Variants in MAGI1 observed in about 807,000 individuals in gnomAD.
MAGI1 encodes membrane associated guanylate kinase, WW and PDZ domain containing 1.
In MAGI1, 58 loss-of-function variants were observed where a neutral mutation model predicts 139.9. The ratio of observed to expected loss-of-function variants is 0.41; its 90% CI spans 0.34 to 0.52. The LOEUF (loss-of-function observed/expected upper bound fraction) is 0.52. Ranked by LOEUF, MAGI1 falls within the 20% of genes least tolerant of loss-of-function variation. The probability of loss-of-function intolerance (pLI) is 0.12; values close to 1 mark genes in which losing one functional copy is unlikely to be tolerated. For missense variants in MAGI1, 1,874 were observed against 1,901.6 expected, an observed-to-expected ratio of 0.99 and a Z score of 0.27; for synonymous variants, 812 against 737.9, an observed-to-expected ratio of 1.10 and a Z score of -1.63.
chr3:65,597,274 A>T (rs887321807), intron 2 of MAGI1, among the ~76,000 whole-genome samples: 1 of 20,636 alleles, frequency 4.8e-5, no homozygotes, highest in Admixed American at 3.4e-4. Context: ...TCCCACCCCC[A>T]GTCCCCATTC....
chr3:65,806,735 G>A (rs959620300), intron 1 of MAGI1, among the ~76,000 whole-genome samples: 3 of 152,124 alleles, frequency 2.0e-5, no homozygotes, highest in Admixed American at 6.5e-5. Flanking sequence ...GATGTCATCT[G>A]AAAATTAGTT....
intron 12 of MAGI1, among the ~76,000 whole-genome samples, chr3:65,425,135 A>AAAAAAAAAAAAAAAAAAAC (rs1559543283): frequency 2.3e-5 from 2 of 87,730 alleles, no homozygotes; most frequent in African/African-American, 4.2e-5. Flanking sequence ...AAAAAAAACA[A>AAAAAAAAAAAAAAAAAAAC]AAAAAAACAC....
chr3:65,465,284 T>C (rs972800320), intron 5 of MAGI1, among the ~76,000 whole-genome samples: 1 of 151,284 alleles, frequency 6.6e-6, no homozygotes, highest in Non-Finnish European at 1.5e-5. Context: ...GTATTTTATT[T>C]ATCTATAGTT....
At chr3:66,016,477 G>T (rs548504902) in intron 1 of MAGI1, among the ~76,000 whole-genome samples, 1 of 152,160 alleles carries the variant, frequency 6.6e-6, no homozygotes, top group African/African-American at 2.4e-5. Context: ...TGGCGGGACC[G>T]AAGAACAGCT....
chr3:65,869,364 TTTTTTGTTGTTGTTGTTGTTG>T (rs1196083321), intron 1 of MAGI1, among the ~76,000 whole-genome samples: 14 of 115,782 alleles, frequency 1.2e-4, no homozygotes, highest in East Asian at 2.1e-4. Flanking sequence ...GCAAGACTGG[TTTTTTGTTGTTGTTGTTGTTG>T]TTGTTGTTGT....
At chr3:65,536,751 G>C (rs2078974990) in intron 2 of MAGI1, among the ~76,000 whole-genome samples, 1 of 152,104 alleles carries the variant, frequency 6.6e-6, no homozygotes, top group East Asian at 1.9e-4. Context: ...TTGAGAAAAA[G>C]GAGAAAAAGA....
chr3:65,784,653 C>T (rs1017624952), intron 1 of MAGI1, among the ~76,000 whole-genome samples: 13 of 151,738 alleles, frequency 8.6e-5, no homozygotes, highest in African/African-American at 2.4e-4. Context: ...TGCAGTGAGC[C>T]GAGATCGCGC....
intron 1 of MAGI1, among the ~76,000 whole-genome samples, chr3:65,960,884 AT>A (rs1273454655): frequency 1.3e-5 from 2 of 152,124 alleles, no homozygotes; most frequent in Non-Finnish European, 2.9e-5. Flanking sequence ...AGTTAAATAG[AT>A]TCCTTCCTTG....
chr3:65,402,887 C>T (rs1194201467), intron 12 of MAGI1, among the ~76,000 whole-genome samples: 1 of 152,120 alleles, frequency 6.6e-6, no homozygotes, highest in African/African-American at 2.4e-5. Flanking sequence ...GCTCCCAGAC[C>T]TCAGAGGGCA....
rs999653554 is a variant in MAGI1, at chr3:65,823,650, T to C, written c.314-201562A>G. Among the ~76,000 whole-genome samples, 3 of 152,252 alleles carry C rather than the reference T, an allele frequency of 2.0e-5. No individual in the cohort carries two copies. In the East Asian group the frequency reaches 5.8e-4, roughly 29 times the overall value. On this transcript the variant is annotated intron_variant, in intron 1 of 22. Coordinates refer to ENST00000402939, the MANE Select transcript of MAGI1 (RefSeq NM_001033057.2). ...CTCCAGGTGGCTTCTCCTGCAGTAC[T>C]GACAGCTTTTATACCTAATCTCTAT... is the stretch of plus-strand genomic sequence containing the variant.
chr3:65,407,366 G>A (rs1945423918), intron 12 of MAGI1, among the ~76,000 whole-genome samples: 1 of 151,254 alleles, frequency 6.6e-6, no homozygotes, highest in African/African-American at 2.4e-5. Context: ...AGAATCACTT[G>A]AACCTGGGAG....
intron 1 of MAGI1, among the ~76,000 whole-genome samples, chr3:65,655,860 A>C (rs1483570511): frequency 1.3e-5 from 2 of 152,218 alleles, no homozygotes; most frequent in East Asian, 3.8e-4. Flanking sequence ...GGTAAATTCC[A>C]ACTCCAGTTC....
At chr3:65,717,962 C>T (rs1327409877) in intron 1 of MAGI1, among the ~76,000 whole-genome samples, 1 of 152,144 alleles carries the variant, frequency 6.6e-6, no homozygotes, top group Non-Finnish European at 1.5e-5. Flanking sequence ...TTTTTTCCCC[C>T]AAGCTTCTAC....
intron 22 of MAGI1, among the ~76,000 whole-genome samples, chr3:65,357,867 G>A (rs1940359599): frequency 6.6e-6 from 1 of 152,110 alleles, no homozygotes; most frequent in Non-Finnish European, 1.5e-5. Flanking sequence ...CCATTAAACT[G>A]TCCTATCTGT....
intron 1 of MAGI1, among the ~76,000 whole-genome samples, chr3:65,974,344 G>A (rs1412494367): frequency 7.0e-6 from 1 of 143,712 alleles, no homozygotes; most frequent in African/African-American, 2.6e-5. Flanking sequence ...AAGGGAGGGA[G>A]GGAGGAGTGG....
At chr3:65,937,974 C>T (rs188858370) in intron 1 of MAGI1, among the ~76,000 whole-genome samples, 19 of 151,918 alleles carry the variant, frequency 1.3e-4, no homozygotes, top group Admixed American at 5.2e-4. Flanking sequence ...CAAGAGAATA[C>T]GGATCAAGCA....
At chr3:65,978,105 A>G (rs2065357648) in intron 1 of MAGI1, among the ~76,000 whole-genome samples, 1 of 152,242 alleles carries the variant, frequency 6.6e-6, no homozygotes, top group South Asian at 2.1e-4. Context: ...GGTAAGCTTT[A>G]TAATAATAGC....
intron 2 of MAGI1, among the ~76,000 whole-genome samples, chr3:65,501,628 T>C (rs2077087017): frequency 6.6e-6 from 1 of 152,112 alleles, no homozygotes; most frequent in Non-Finnish European, 1.5e-5. Flanking sequence ...GGTACAACCA[T>C]TTGGGGAAAG....
chr3:65,928,079 T>C (rs2062610938), intron 1 of MAGI1, among the ~76,000 whole-genome samples: 1 of 152,178 alleles, frequency 6.6e-6, no homozygotes. Context: ...CACGAGTTAC[T>C]TTTACATGAA....
Sources: allele counts gnomAD v4.1 joint callset (sites outside exome capture counted in the v4.1 genomes callset), GRCh38; gene constraint gnomAD v4.1.1; transcripts MANE v1.5; gene names NCBI Gene and HGNC (gene_info 2026-07-23, HGNC 2026-07-21).